CBLB: variants seen among roughly 807,000 people sequenced by gnomAD.
CBLB encodes the protein Cbl proto-oncogene B.
CBLB carries 31 observed loss-of-function variants against 104.9 expected under a neutral mutation model. The observed-to-expected ratio is 0.30, with a 90% CI of 0.22 to 0.40. CBLB has a LOEUF of 0.40. Ranked by LOEUF, CBLB falls within the 10% of genes least tolerant of loss-of-function variation. The probability of loss-of-function intolerance (pLI) is 1.00; values close to 1 mark genes in which losing one functional copy is unlikely to be tolerated. For synonymous variants in CBLB, 440 were observed against 422.6 expected, an observed-to-expected ratio of 1.04 and a Z score of -0.51; for missense variants, 1,062 against 1,214.6, an observed-to-expected ratio of 0.87 and a Z score of 1.87.
At chr3:105,752,966 C>A (rs1015791044) in intron 4 of CBLB, among the ~76,000 whole-genome samples, 11 of 152,090 alleles carry the variant, frequency 7.2e-5, no homozygotes, top group African/African-American at 2.4e-4. Context: ...TGGGGAAATA[C>A]AATTATAGAA....
chr3:105,805,488 T>A (rs2083387646), intron 3 of CBLB, among the ~76,000 whole-genome samples: 1 of 152,108 alleles, frequency 6.6e-6, no homozygotes, highest in African/African-American at 2.4e-5. Context: ...GTATGTTTAG[T>A]AGAGACGGGG....
At chr3:105,863,115 G>T (rs1327373897) in intron 2 of CBLB, among the ~76,000 whole-genome samples, 1 of 152,164 alleles carries the variant, frequency 6.6e-6, no homozygotes, top group Non-Finnish European at 1.5e-5. Flanking sequence ...TAAAAATTCT[G>T]TAATATTTAA....
chr3:105,868,225 C>T (rs1706424049), intron 1 of CBLB: 2 of 1,232,468 alleles, frequency 1.6e-6, no homozygotes, highest in Non-Finnish European at 2.0e-6. Flanking sequence ...GAAATTAACA[C>T]ACAAATAGCC....
At chr3:105,859,099 G>A (rs556505751) in intron 2 of CBLB, among the ~76,000 whole-genome samples, 1 of 152,088 alleles carries the variant, frequency 6.6e-6, no homozygotes, top group African/African-American at 2.4e-5. Context: ...TTCTGACTGC[G>A]CCTTAATTAA....
At position 105,816,524 on chromosome 3, in the gene CBLB, C is replaced by G. The variant is rs527303859; in HGVS notation, c.419+36890G>C. ...ACTCTCATAAATACTTCTCACTAAT[C>G]CCTATGATAAGAAGTACATTTTTAA... On this transcript the variant is annotated intron_variant, in intron 3 of 18. Transcript: ENST00000394030. 2.6e-5 allele frequency among the ~76,000 whole-genome samples: 4 copies of G among 152,176 alleles called. No individual in the cohort carries two copies. In the South Asian group the frequency reaches 8.3e-4, roughly 32 times the overall value.
intron 17 of CBLB, 103 bp downstream of exon 17, chr3:105,678,328 T>G: frequency 8.7e-7 from 1 of 1,154,162 alleles, no homozygotes; most frequent in South Asian, 1.3e-5. Context: ...TCTGTTCTGC[T>G]AGGGAGGTAG....
intron 4 of CBLB, among the ~76,000 whole-genome samples, chr3:105,754,539 G>GAGAC (rs2076902914): frequency 7.0e-6 from 1 of 142,886 alleles, no homozygotes; most frequent in Non-Finnish European, 1.5e-5. Flanking sequence ...GAGAGAGAGA[G>GAGAC]AGAGAGAGAG....
At chr3:105,711,524 T>C (rs772719131) in intron 10 of CBLB, among the ~76,000 whole-genome samples, 6 of 151,408 alleles carry the variant, frequency 4.0e-5, no homozygotes, top group Non-Finnish European at 8.9e-5. Flanking sequence ...CATATTCATA[T>C]GGCATTATAG....
intron 9 of CBLB, among the ~76,000 whole-genome samples, chr3:105,726,337 ATCTT>A (rs2073631641): frequency 6.6e-6 from 1 of 152,206 alleles, no homozygotes; most frequent in African/African-American, 2.4e-5. Flanking sequence ...ATACGCTGAT[ATCTT>A]TCTTTTAAAT....
chr3:105,729,088 T>C (rs2074017671), intron 9 of CBLB, among the ~76,000 whole-genome samples: 2 of 152,148 alleles, frequency 1.3e-5, no homozygotes, highest in African/African-American at 2.4e-5. Context: ...AACTGATTTA[T>C]CATAGCTTCT....
intron 5 of CBLB, chr3:105,749,788 A>G (rs1576855060): frequency 3.6e-6 from 1 of 278,264 alleles, no homozygotes; most frequent in East Asian, 1.2e-4. Context: ...GAGAGGTTCC[A>G]TTATAAAATG....
intron 3 of CBLB, among the ~76,000 whole-genome samples, chr3:105,819,098 A>G (rs900998857): frequency 2.0e-5 from 3 of 152,388 alleles, no homozygotes; most frequent in Non-Finnish European, 4.4e-5. Flanking sequence ...CTAGCTTCAT[A>G]TATCAGTTAA....
intron 3 of CBLB, among the ~76,000 whole-genome samples, chr3:105,790,800 A>G (rs779369127): frequency 8.5e-5 from 13 of 152,200 alleles, no homozygotes; most frequent in Non-Finnish European, 1.6e-4. Flanking sequence ...GTATGGCAAT[A>G]TGACAGACTA....
chr3:105,809,841 A>G (rs919949219), intron 3 of CBLB, among the ~76,000 whole-genome samples: 3 of 152,196 alleles, frequency 2.0e-5, no homozygotes, highest in African/African-American at 4.8e-5. Context: ...GGTAAACTAC[A>G]TATGTGATTT....
chr3:105,741,685 GCGCCT>G (rs1234002784), intron 6 of CBLB, among the ~76,000 whole-genome samples: 1 of 151,952 alleles, frequency 6.6e-6, no homozygotes, highest in African/African-American at 2.4e-5. Context: ...ATGAGCCACC[GCGCCT>G]GGCCAATTTT....
At chr3:105,688,245 T>C (rs4894941) in intron 13 of CBLB, among the ~76,000 whole-genome samples, 151,584 of 152,118 alleles carry the variant, frequency 1, 75,529 homozygotes, top group East Asian at 1. Context: ...TATTCTCATC[T>C]TACATTCCCG....
intron 17 of CBLB, among the ~76,000 whole-genome samples, chr3:105,675,530 A>G (rs1294058281): frequency 6.6e-6 from 1 of 152,152 alleles, no homozygotes; most frequent in Non-Finnish European, 1.5e-5. Flanking sequence ...ATTTCTTTTG[A>G]AAAGGAGGAA....
intron 7 of CBLB, 131 bp from the exon 8 acceptor site, chr3:105,737,389 T>C (rs1266135892): frequency 9.9e-6 from 5 of 507,054 alleles, no homozygotes; most frequent in Non-Finnish European, 1.4e-5. Flanking sequence ...ATCAATAACA[T>C]ATTACTTCAA....
At chr3:105,796,647 A>C (rs1265462051) in intron 3 of CBLB, among the ~76,000 whole-genome samples, 1 of 152,230 alleles carries the variant, frequency 6.6e-6, no homozygotes, top group African/African-American at 2.4e-5. Context: ...GAGTAAACAG[A>C]CAACCTACAG....
Sources: allele counts gnomAD v4.1 joint callset (sites outside exome capture counted in the v4.1 genomes callset), GRCh38; gene constraint gnomAD v4.1.1; transcripts MANE v1.5; gene names NCBI Gene and HGNC (gene_info 2026-07-23, HGNC 2026-07-21).